The following CRADD variants were observed in gnomAD, a reference collection of about 807,000 sequenced individuals.
CRADD encodes the protein CARD and death domain containing adaptor protein.
Under a neutral mutation model 15.5 loss-of-function variants are expected in CRADD, and 9 were observed. That is an observed-to-expected ratio of 0.58 (90% CI 0.35 to 1.01). The LOEUF (loss-of-function observed/expected upper bound fraction) is 1.01, where lower values mean the gene tolerates loss of function less well. Ranked by LOEUF, CRADD falls within the 50% of genes least tolerant of loss-of-function variation. The pLI, the probability that CRADD is intolerant of heterozygous loss-of-function variation, is 0.02. For missense variants in CRADD, 227 were observed against 250.3 expected (o/e 0.91, Z 0.63); for synonymous variants, 118 against 107.6 (o/e 1.10, Z -0.60).
chr12:93,709,207 T>C (rs898616267), intron 2 of CRADD: 1 of 152,256 alleles, frequency 6.6e-6, no homozygotes, highest in Admixed American at 6.5e-5. Context: ...ATTTTGCGAA[T>C]ATGTAAGCAT....
At chr12:93,740,545 C>A (rs1383929256) in intron 2 of CRADD, among the ~76,000 whole-genome samples, 1 of 152,034 alleles carries the variant, frequency 6.6e-6, no homozygotes, top group African/African-American at 2.4e-5. Flanking sequence ...TTTTTGTCAT[C>A]ATTTTTATTT....
chr12:93,737,005 T>C (rs1352980958), intron 2 of CRADD, among the ~76,000 whole-genome samples: 4 of 152,204 alleles, frequency 2.6e-5, no homozygotes, highest in African/African-American at 7.2e-5. Context: ...TGAGCAAACA[T>C]AGTACTTCTC....
At chr12:93,763,193 A>T (rs1258155465) in intron 2 of CRADD, among the ~76,000 whole-genome samples, 1 of 152,224 alleles carries the variant, frequency 6.6e-6, no homozygotes, top group Non-Finnish European at 1.5e-5. Context: ...GGTAGAGCTG[A>T]CTTCTGACCT....
At chr12:93,817,845 CTCTTGGGGACCCAGAA>C (rs1957724531) in intron 2 of CRADD, among the ~76,000 whole-genome samples, 1 of 152,224 alleles carries the variant, frequency 6.6e-6, no homozygotes, top group South Asian at 2.1e-4. Context: ...GGCCTGCCTT[CTCTTGGGGACCCAGAA>C]TATGGGAGCT....
intron 2 of CRADD, among the ~76,000 whole-genome samples, chr12:93,684,228 C>T (rs750056153): frequency 6.6e-6 from 1 of 152,172 alleles, no homozygotes; most frequent in Non-Finnish European, 1.5e-5. Context: ...GCCTTTTTGG[C>T]GTCAGAGACT....
chr12:93,805,627 A>G (rs1377945504), intron 2 of CRADD, among the ~76,000 whole-genome samples: 2 of 152,116 alleles, frequency 1.3e-5, no homozygotes, highest in African/African-American at 4.8e-5. Flanking sequence ...TAACTAACGT[A>G]GGAAACCCTC....
chr12:93,771,511 G>A lies in CRADD; in HGVS notation c.299-78459G>A, dbSNP rs373065571. 5.3e-5 allele frequency among the ~76,000 whole-genome samples: 8 copies of A among 152,156 alleles called. No homozygotes were observed. The East Asian group carries it at 9.6e-4, about 18-fold the overall frequency. On this transcript the variant is annotated intron_variant, in intron 2 of 2. Transcript: ENST00000332896. ...TACCACATATAACCCCTTGTCACGT[G>A]TATTTACAAAATATGTCTGTGTGAT...
intron 2 of CRADD, among the ~76,000 whole-genome samples, chr12:93,695,768 C>T (rs369325816): frequency 5.9e-5 from 9 of 152,104 alleles, no homozygotes; most frequent in African/African-American, 1.4e-4. Flanking sequence ...TGGTGGCACT[C>T]GCCTGTATTC....
chr12:93,809,321 G>A (rs528840449), intron 2 of CRADD, among the ~76,000 whole-genome samples: 2 of 152,284 alleles, frequency 1.3e-5, no homozygotes, highest in African/African-American at 4.8e-5. Flanking sequence ...CTTTTGCTGT[G>A]CATATAATTG....
Position 93,743,842 on chromosome 12 carries a change from A to AT in CRADD, c.298+64779dup, listed in dbSNP as rs967971683. Among the ~76,000 whole-genome samples the AT allele has an allele frequency of 2.3e-3, 349 of 151,574 alleles. 3 individuals are homozygous for AT. The highest frequency in any genetic ancestry group is 7.3e-3 in the African/African-American group (302 of 41,338). ...TGCAATAAAATGTTATGTTAGCAAC[A>AT]TTTTTTTTTATTTTAAAAATTCCTT... On this transcript the variant is annotated intron_variant, in intron 2 of 2. Transcript: ENST00000332896.
intron 2 of CRADD, among the ~76,000 whole-genome samples, chr12:93,683,627 AC>A (rs1955368091): frequency 6.6e-6 from 1 of 151,952 alleles, no homozygotes; most frequent in Admixed American, 6.6e-5. Context: ...TTTCCCCTCT[AC>A]CTGTGGGCTC....
chr12:93,796,671 A>G (rs922062244), intron 2 of CRADD, among the ~76,000 whole-genome samples: 2 of 151,886 alleles, frequency 1.3e-5, no homozygotes, highest in African/African-American at 4.8e-5. Context: ...TTTTAGATCA[A>G]TGAAAACATT....
intron 2 of CRADD, among the ~76,000 whole-genome samples, chr12:93,864,622 A>G (rs1283121960): frequency 6.6e-6 from 1 of 152,208 alleles, no homozygotes; most frequent in Non-Finnish European, 1.5e-5. Context: ...CCTCCTTGAA[A>G]TGTAGCTCTC....
downstream of CRADD, among the ~76,000 whole-genome samples, chr12:93,855,212 G>A (rs375925464): frequency 2.6e-4 from 39 of 152,062 alleles, no homozygotes; most frequent in African/African-American, 8.4e-4. Flanking sequence ...ATTAACTTCC[G>A]TGGCCCACTG....
At chr12:93,701,295 G>C (rs201781731) in intron 2 of CRADD, among the ~76,000 whole-genome samples, 1 of 143,352 alleles carries the variant, frequency 7.0e-6, no homozygotes, top group Non-Finnish European at 1.5e-5. Flanking sequence ...CTCTCTCTGT[G>C]ACACACACAC....
intron 2 of CRADD, among the ~76,000 whole-genome samples, chr12:93,881,869 G>A (rs1958504532): frequency 6.6e-6 from 1 of 152,102 alleles, no homozygotes; most frequent in African/African-American, 2.4e-5. Flanking sequence ...CTTACCACCT[G>A]TAATCCCAGC....
At chr12:93,699,499 A>T (rs1227140780) in intron 2 of CRADD, among the ~76,000 whole-genome samples, 1 of 152,232 alleles carries the variant, frequency 6.6e-6, no homozygotes, top group East Asian at 1.9e-4. Flanking sequence ...AACCACAGAA[A>T]GCATTAAGCA....
intron 2 of CRADD, among the ~76,000 whole-genome samples, chr12:93,841,506 G>A (rs957239416): frequency 6.6e-6 from 1 of 152,138 alleles, no homozygotes; most frequent in Non-Finnish European, 1.5e-5. Context: ...TCTGGGCCTA[G>A]GGCTCTTTGT....
intron 2 of CRADD, among the ~76,000 whole-genome samples, chr12:93,859,730 T>G (rs1958304137): frequency 6.6e-6 from 1 of 151,656 alleles, no homozygotes; most frequent in Non-Finnish European, 1.5e-5. Flanking sequence ...TTTGTCTCTC[T>G]CTTTTTTTTT....
Sources: gnomAD v4.1 joint callset for allele counts (sites outside exome capture counted in the v4.1 genomes callset) on GRCh38, gnomAD v4.1.1 for gene constraint, MANE v1.5 for transcripts, NCBI Gene and HGNC (gene_info 2026-07-23, HGNC 2026-07-21) for gene names.